Variants in DSCAM observed in about 807,000 individuals in gnomAD.
DSCAM encodes the protein cell adhesion molecule DSCAM.
DSCAM carries 47 observed loss-of-function variants against 217.7 expected under a neutral mutation model. The ratio of observed to expected loss-of-function variants is 0.22; its 90% CI spans 0.17 to 0.28. DSCAM has a LOEUF of 0.28. Among genes scored for constraint, DSCAM ranks in the 10% least tolerant of loss-of-function variants. DSCAM has a pLI of 1.00. For synonymous variants in DSCAM, 1,056 were observed against 1,015.3 expected, an observed-to-expected ratio of 1.04 and a Z score of -0.76; for missense variants, 2,080 against 2,618.3, an observed-to-expected ratio of 0.79 and a Z score of 4.49.
At chr21:40,794,600 C>A (rs1168030166) in intron 1 of DSCAM, among the ~76,000 whole-genome samples, 1 of 151,278 alleles carries the variant, frequency 6.6e-6, no homozygotes, top group African/African-American at 2.4e-5. Flanking sequence ...ACAAGGATCT[C>A]AACCTTCAGC....
chr21:40,268,847 G>T (rs142969376), intron 11 of DSCAM, among the ~76,000 whole-genome samples: 2 of 151,998 alleles, frequency 1.3e-5, no homozygotes, highest in African/African-American at 4.8e-5. Context: ...CCAGCTACTC[G>T]GGAAGCTGAG....
chr21:40,760,882 C>T (rs2091326222), intron 1 of DSCAM, among the ~76,000 whole-genome samples: 1 of 152,208 alleles, frequency 6.6e-6, no homozygotes, highest in South Asian at 2.1e-4. Context: ...GTCCCCAAGA[C>T]ACCTCACTGA....
At chr21:40,434,898 G>A (rs895759166) in intron 3 of DSCAM, among the ~76,000 whole-genome samples, 5 of 152,178 alleles carry the variant, frequency 3.3e-5, no homozygotes, top group African/African-American at 1.2e-4. Flanking sequence ...GCCTTGAGAG[G>A]TAGCCACAAT....
intron 20 of DSCAM, among the ~76,000 whole-genome samples, chr21:40,094,931 T>C (rs1043013990): frequency 6.6e-6 from 1 of 152,224 alleles, no homozygotes; most frequent in Non-Finnish European, 1.5e-5. Flanking sequence ...AGCCCAAATA[T>C]GTGTCACCTG....
intron 8 of DSCAM, among the ~76,000 whole-genome samples, chr21:40,317,696 A>AT (rs766872934): frequency 3.3e-5 from 5 of 151,602 alleles, no homozygotes; most frequent in South Asian, 2.1e-4. Flanking sequence ...GGCTTGGCTA[A>AT]TTTTTTTTGT....
In DSCAM at chr21:40,348,058, C is replaced by A. The variant is rs935576276; in HGVS notation, c.935-113G>T. On this transcript the variant is annotated intron_variant, in intron 5 of 32. Coordinates refer to ENST00000400454, the MANE Select transcript of DSCAM (RefSeq NM_001389.5). ...GTGCATCACGCAATCATACTCCACA[C>A]AGTTCCCATCAGCCACATTATTGCA... 3 of 1,047,900 alleles carry A rather than the reference C, an allele frequency of 2.9e-6. No individual in the cohort carries two copies. The African/African-American group carries it at 4.8e-5, about 17-fold the overall frequency. The allele number at this position is 1,047,900 out of a possible 1,614,324, so 64.9% of individuals were successfully genotyped here.
chr21:40,568,648 T>C (rs2076782966), intron 3 of DSCAM, among the ~76,000 whole-genome samples: 1 of 152,218 alleles, frequency 6.6e-6, no homozygotes, highest in African/African-American at 2.4e-5. Flanking sequence ...AGAATTAATA[T>C]AGTCACATAG....
At chr21:40,454,731 C>T in intron 3 of DSCAM, among the ~76,000 whole-genome samples, 1 of 152,194 alleles carries the variant, frequency 6.6e-6, no homozygotes, top group Admixed American at 6.5e-5. Flanking sequence ...CAGAAGCATT[C>T]TTCTCAAAGT....
intron 3 of DSCAM, among the ~76,000 whole-genome samples, chr21:40,667,764 G>C (rs899575230): frequency 6.6e-6 from 1 of 152,118 alleles, no homozygotes; most frequent in Non-Finnish European, 1.5e-5. Flanking sequence ...GGATGTGTTT[G>C]CTTTGTTTTC....
chr21:40,466,063 G>C (rs770784083), intron 3 of DSCAM, among the ~76,000 whole-genome samples: 1 of 152,166 alleles, frequency 6.6e-6, no homozygotes, highest in Non-Finnish European at 1.5e-5. Context: ...AAATGGAACT[G>C]TTGTTCAGAA....
chr21:40,768,709 CT>C (rs2091418111), intron 1 of DSCAM, among the ~76,000 whole-genome samples: 1 of 152,170 alleles, frequency 6.6e-6, no homozygotes, highest in Admixed American at 6.5e-5. Context: ...GCACTCAGAC[CT>C]CCTGATGTGG....
chr21:40,538,010 T>C (rs369871006), intron 3 of DSCAM, among the ~76,000 whole-genome samples: 4 of 152,218 alleles, frequency 2.6e-5, no homozygotes, highest in Admixed American at 1.3e-4. Context: ...GCTCAATAAA[T>C]GCTAAGTGGT....
chr21:40,217,550 T>C (rs1423749660), intron 11 of DSCAM, among the ~76,000 whole-genome samples: 1 of 152,122 alleles, frequency 6.6e-6, no homozygotes, highest in African/African-American at 2.4e-5. Context: ...TCTTTTCTGC[T>C]CCTCTCCCTC....
chr21:40,135,535 A>G (rs993643327), intron 18 of DSCAM, among the ~76,000 whole-genome samples: 1 of 152,212 alleles, frequency 6.6e-6, no homozygotes, highest in East Asian at 1.9e-4. Flanking sequence ...GCTCTGGGAA[A>G]AAGCAGAAAA....
At chr21:40,087,092 A>C in intron 22 of DSCAM, 78 bp downstream of exon 22, 1 of 1,040,178 alleles carries the variant, frequency 9.6e-7, no homozygotes, top group Non-Finnish European at 1.5e-6. Context: ...AAATTAGGAG[A>C]CCACTAGACA....
In DSCAM at chr21:40,239,630, C is replaced by T. The variant is rs114726842; in HGVS notation, c.2356+36467G>A. Among the ~76,000 whole-genome samples the T allele has an allele frequency of 5.0e-3, 755 of 152,190 alleles. 5 individuals carry two copies. Among genetic ancestry groups the T allele is most frequent in the African/African-American group, 0.017 (689 of 41,504 alleles). On this transcript the variant is annotated intron_variant, in intron 11 of 32. Coordinates refer to ENST00000400454, the MANE Select transcript of DSCAM (RefSeq NM_001389.5). ...ATGATAAAGTAATTGAACATAAGTG[C>T]CTAGAATTTTATAGGAAACTTCCAA...
At chr21:40,495,362 G>A (rs2076109663) in intron 3 of DSCAM, among the ~76,000 whole-genome samples, 1 of 152,088 alleles carries the variant, frequency 6.6e-6, no homozygotes, top group South Asian at 2.1e-4. Context: ...TTGGTCCCTA[G>A]AATGGAAGAA....
chr21:40,098,864 C>G (rs1483373995), intron 20 of DSCAM, among the ~76,000 whole-genome samples: 3 of 152,064 alleles, frequency 2.0e-5, no homozygotes, highest in Non-Finnish European at 4.4e-5. Context: ...TCATTTACAC[C>G]TCACCTCCAC....
intron 1 of DSCAM, among the ~76,000 whole-genome samples, chr21:40,733,374 G>A (rs1487328410): frequency 7.2e-5 from 11 of 152,186 alleles, no homozygotes; most frequent in South Asian, 2.1e-4. Context: ...TTGGAGAAGC[G>A]GAATTACTCC....
Sources: allele counts gnomAD v4.1 joint callset (sites outside exome capture counted in the v4.1 genomes callset), GRCh38; gene constraint gnomAD v4.1.1; transcripts MANE v1.5; gene names NCBI Gene and HGNC (gene_info 2026-07-23, HGNC 2026-07-21).